Variants in DOCK2 observed in about 807,000 individuals in gnomAD.
DOCK2 encodes the protein dedicator of cytokinesis 2.
A neutral mutation model predicts 248.9 loss-of-function variants in DOCK2; 87 were observed. The ratio of observed to expected loss-of-function variants is 0.35; its 90% confidence interval spans 0.29 to 0.42. The LOEUF (loss-of-function observed/expected upper bound fraction) is 0.42. Ranked by LOEUF, DOCK2 falls within the 10% of genes least tolerant of loss-of-function variation. DOCK2 has a pLI of 1.00. For missense variants in DOCK2, 1,747 were observed against 2,300.2 expected, an observed-to-expected ratio of 0.76 and a Z score of 4.92; for synonymous variants, 805 against 821.6, an observed-to-expected ratio of 0.98 and a Z score of 0.35.
Position 170,048,556 on chromosome 5 carries a change from TAAGAG to T in DOCK2, c.4071+947_4071+951del, listed in dbSNP as rs573926353. Among the ~76,000 whole-genome samples the T allele has an allele frequency of 3.9e-3, 598 of 152,350 alleles. 1 individual carries two copies. The highest frequency in any genetic ancestry group is 0.014 in the South Asian group (68 of 4,830). On this transcript the variant is annotated intron_variant, in intron 40 of 51. Coordinates refer to ENST00000520908, the MANE Select transcript of DOCK2 (RefSeq NM_004946.3). ...CTGCAAATCTCTTTAATGTCTGACTTAAGAGAAGACATCTAGATTCTCATGTCTGC... is the reference window on the plus strand; with the variant it reads ...CTGCAAATCTCTTTAATGTCTGACTTAAGACATCTAGATTCTCATGTCTGC...
In DOCK2 at chr5:170,042,042, C is replaced by G; in HGVS notation, c.3786C>G (p.Val1262=). ...CGGATGAGCAGTGTGCATCACAGGT[C>G]ATGCAGACAGGCCAGCAGCACCCCC... ...KWSDEQCASQ[V]MQTGQQHPQT... Residue 1262 remains valine, a synonymous_variant, in exon 38 of 52, where the codon GTC becomes GTG. Coordinates refer to ENST00000520908, the MANE Select transcript of DOCK2 (RefSeq NM_004946.3). The G allele has an allele frequency of 6.2e-7, 1 of 1,613,648 alleles. No homozygotes were observed. The highest frequency in any genetic ancestry group is 1.1e-5 in the South Asian group (1 of 91,040).
chr5:169,972,583 AGATGATAG>A (rs1161962320), intron 27 of DOCK2, among the ~76,000 whole-genome samples: 7 of 47,732 alleles, frequency 1.5e-4, no homozygotes, highest in South Asian at 4.5e-4. Flanking sequence ...ATAGATAGAT[AGATGATAG>A]ATAGATAGAT....
intron 34 of DOCK2, among the ~76,000 whole-genome samples, chr5:170,029,572 A>C (rs979605137): frequency 6.6e-6 from 1 of 152,150 alleles, no homozygotes; most frequent in Non-Finnish European, 1.5e-5. Context: ...ACAGCAGGTA[A>C]ATGCTTCATA....
intron 25 of DOCK2, among the ~76,000 whole-genome samples, chr5:169,765,938 A>G (rs972941032): frequency 2.0e-5 from 3 of 152,232 alleles, no homozygotes; most frequent in African/African-American, 7.2e-5. Flanking sequence ...ACAGTGTACA[A>G]GGGGCTGGAC....
chr5:169,666,233 A>T (rs1164161745), intron 2 of DOCK2, among the ~76,000 whole-genome samples: 1 of 152,114 alleles, frequency 6.6e-6, no homozygotes, highest in Non-Finnish European at 1.5e-5. Flanking sequence ...TAAGGGCACT[A>T]ATCCCATTCA....
chr5:169,669,265 G>A (rs1284392227), intron 2 of DOCK2, 23 bp from the exon 3 acceptor site: 1 of 1,612,934 alleles, frequency 6.2e-7, no homozygotes, highest in Non-Finnish European at 8.5e-7. Flanking sequence ...TGAGGGAACT[G>A]TTTCTTTGTT....
intron 27 of DOCK2, among the ~76,000 whole-genome samples, chr5:169,976,482 C>T (rs1777721180): frequency 6.6e-6 from 1 of 152,088 alleles, no homozygotes; most frequent in Non-Finnish European, 1.5e-5. Context: ...GAATGTAGGG[C>T]CCTGGGCAAA....
At chr5:169,771,163 T>C (rs1264158663) in intron 25 of DOCK2, among the ~76,000 whole-genome samples, 2 of 152,252 alleles carry the variant, frequency 1.3e-5, no homozygotes, top group African/African-American at 4.8e-5. Context: ...TTAGACTACA[T>C]CATCACTGTC....
chr5:170,021,997 G>T (rs1219356423), intron 33 of DOCK2, among the ~76,000 whole-genome samples: 1 of 152,206 alleles, frequency 6.6e-6, no homozygotes, highest in Non-Finnish European at 1.5e-5. Flanking sequence ...AGACCACATT[G>T]TTCCCTCTCT....
chr5:169,803,598 T>C (rs1434610621), intron 26 of DOCK2, among the ~76,000 whole-genome samples: 2 of 152,234 alleles, frequency 1.3e-5, no homozygotes, highest in African/African-American at 4.8e-5. Context: ...GTTTTGTTTC[T>C]TCAGTTACCT....
intron 25 of DOCK2, among the ~76,000 whole-genome samples, chr5:169,787,316 G>T (rs150191914): frequency 6.6e-6 from 1 of 152,116 alleles, no homozygotes; most frequent in African/African-American, 2.4e-5. Flanking sequence ...TTGGGCTGAC[G>T]GGCTGTGCAT....
At chr5:169,914,787 G>A (rs1774785935) in intron 27 of DOCK2, among the ~76,000 whole-genome samples, 1 of 152,108 alleles carries the variant, frequency 6.6e-6, no homozygotes, top group African/African-American at 2.4e-5. Context: ...GCCTTCTCAT[G>A]CCCAGCCAGC....
chr5:169,761,463 A>G, intron 24 of DOCK2, 56 bp from the exon 25 acceptor site: 1 of 1,446,854 alleles, frequency 6.9e-7, no homozygotes, highest in Non-Finnish European at 9.7e-7. Flanking sequence ...AAGTGCTATG[A>G]GCTGGGAGAC....
intron 6 of DOCK2, among the ~76,000 whole-genome samples, chr5:169,678,162 G>A (rs1169994648): frequency 6.6e-6 from 1 of 152,046 alleles, no homozygotes; most frequent in Non-Finnish European, 1.5e-5. Flanking sequence ...GTTAGAAGAC[G>A]GAAGGGAATG....
chr5:169,753,627 T>C (rs996059609), intron 23 of DOCK2, among the ~76,000 whole-genome samples: 3 of 152,182 alleles, frequency 2.0e-5, no homozygotes, highest in South Asian at 4.1e-4. Context: ...CACCAAACAA[T>C]AGCGCAATTT....
intron 48 of DOCK2, 100 bp from the exon 49 acceptor site, chr5:170,078,875 C>T: frequency 1.4e-6 from 2 of 1,388,550 alleles, no homozygotes; most frequent in South Asian, 2.6e-5. Context: ...AGTGACAGCT[C>T]AGGCAGCCCA....
At chr5:169,767,174 G>A (rs1256451319) in intron 25 of DOCK2, among the ~76,000 whole-genome samples, 1 of 152,150 alleles carries the variant, frequency 6.6e-6, no homozygotes, top group East Asian at 1.9e-4. Flanking sequence ...ATGCTTGTTG[G>A]CTGCATGTAT....
At chr5:169,799,667 T>C (rs1022803905) in intron 25 of DOCK2, among the ~76,000 whole-genome samples, 1 of 152,256 alleles carries the variant, frequency 6.6e-6, no homozygotes. Context: ...TGGCAAGATA[T>C]GGACTAAATA....
intron 26 of DOCK2, among the ~76,000 whole-genome samples, chr5:169,819,359 G>A (rs958449664): frequency 5.9e-5 from 9 of 152,098 alleles, no homozygotes; most frequent in African/African-American, 2.2e-4. Flanking sequence ...AGTGGCTCAC[G>A]CCTTTAATAC....
Sources: gnomAD v4.1 joint callset for allele counts (sites outside exome capture counted in the v4.1 genomes callset) on GRCh38, gnomAD v4.1.1 for gene constraint, MANE v1.5 for transcripts, NCBI Gene and HGNC (gene_info 2026-07-23, HGNC 2026-07-21) for gene names.